Variants in CEP250 observed in about 807,000 individuals in gnomAD.
CEP250 encodes the protein centrosome-associated protein CEP250.
A neutral mutation model predicts 315.7 loss-of-function variants in CEP250; 242 were observed. The observed-to-expected ratio is 0.77, with a 90% CI of 0.69 to 0.85. CEP250 has a LOEUF of 0.85. CEP250 is among the 40% of genes least tolerant of loss of function. The probability of loss-of-function intolerance (pLI) is 0.00; values close to 1 mark genes in which losing one functional copy is unlikely to be tolerated. For synonymous variants in CEP250, 1,088 were observed against 1,175.0 expected (o/e 0.93, Z 1.51); for missense variants, 2,515 against 2,886.4 (o/e 0.87, Z 2.95).
Position 35,508,955 on chromosome 20 carries a change from C to A in CEP250, c.6919C>A (p.Arg2307=), listed in dbSNP as rs915467191. ...RSTLEQVERE[R]RKLKREAMRA... is the part of the protein sequence containing the mutation. Reference sequence around the variant, plus strand: ...TGCACCTTGGCAGGTGGAGCGAGAACGGAGGAAGCTGAAGAGGGAGGCCAT... The same window carrying A: ...TGCACCTTGGCAGGTGGAGCGAGAAAGGAGGAAGCTGAAGAGGGAGGCCAT... Residue 2307 remains arginine, a synonymous_variant, in exon 33 of 35, where the codon CGG becomes AGG. Transcript: ENST00000397527. 3 of 1,554,184 alleles carry A rather than the reference C, an allele frequency of 1.9e-6. No individual in the cohort carries two copies. The highest frequency in any genetic ancestry group is 2.6e-6 in the Non-Finnish European group (3 of 1,148,302).
At chr20:35,478,855 A>T (rs1373731532) in intron 17 of CEP250, among the ~76,000 whole-genome samples, 1 of 152,234 alleles carries the variant, frequency 6.6e-6, no homozygotes, top group Non-Finnish European at 1.5e-5. Context: ...CTCAAAGGTC[A>T]TCTTTCTCCT....
rs918372335 is a variant in CEP250 at position 35,519,087 on chromosome 20, C to G, written c.*7461C>G. 13 of 151,492 alleles carry G rather than the reference C, an allele frequency of 8.6e-5. No individual in the cohort carries two copies. Among genetic ancestry groups the G allele is most frequent in the African/African-American group, 3.2e-4 (13 of 41,242 alleles). The allele number at this position is 151,492 out of a possible 1,614,324, so 9.4% of individuals were successfully genotyped here. A position where few individuals can be genotyped will look rare whatever the true frequency, so the allele number is the denominator to read the frequency against. On this transcript the variant is annotated 3_prime_UTR_variant, in exon 35 of 35. Transcript: ENST00000397527. ...ACATAATCTGGATTGCAGGGCTGAT[C>G]GTTGCTAATGGAGTGTTATGGCTGT...
chr20:35,476,720 G>A, intron 16 of CEP250, 125 bp downstream of exon 16: 1 of 792,870 alleles, frequency 1.3e-6, no homozygotes, highest in Non-Finnish European at 2.0e-6. Context: ...GGAGAGCAAA[G>A]ACTGTAAGGA....
Position 35,490,719 on chromosome 20 carries a change from G to C in CEP250, c.2669G>C (p.Arg890Thr), listed in dbSNP as rs144024361. The C allele has an allele frequency of 5.3e-5, 85 of 1,614,036 alleles. 1 individual carries two copies. The African/African-American group carries it at 1.1e-3, about 20-fold the overall frequency. ...LEREKMELEM[R>T]LKEQQTEMEA... ...AGGGAAAAAATGGAGCTGGAAATGA[G>C]GCTAAAGGAGCAGCAGACAGAAATG... Residue 890 changes from arginine (R) to threonine (T), a missense_variant, in exon 21 of 35, where the codon AGG (arginine) becomes ACG (threonine). Physicochemically the swap from Arg to Thr is moderately conservative, Grantham distance 71. Transcript: ENST00000397527.
chr20:35,495,324 C>T (rs2063806418), intron 24 of CEP250, among the ~76,000 whole-genome samples: 1 of 152,132 alleles, frequency 6.6e-6, no homozygotes. Flanking sequence ...CATAGGAAAC[C>T]TCTGGAGAAT....
intron 23 of CEP250, among the ~76,000 whole-genome samples, chr20:35,493,913 CTT>C (rs755294563): frequency 4.5e-4 from 69 of 152,258 alleles, no homozygotes; most frequent in Non-Finnish European, 9.1e-4. Context: ...GATGTTCTGA[CTT>C]TTCATTTTTA....
At chr20:35,469,806 G>T in intron 9 of CEP250, 84 bp from the exon 10 acceptor site, 1 of 816,650 alleles carries the variant, frequency 1.2e-6, no homozygotes, top group South Asian at 2.0e-5. Context: ...GTTGGGGTTG[G>T]GGCTGGGGCT....
intron 9 of CEP250, 120 bp downstream of exon 9, chr20:35,467,675 GC>G: frequency 8.5e-7 from 1 of 1,183,066 alleles, no homozygotes; most frequent in Non-Finnish European, 1.2e-6. Context: ...GAGAAGATGT[GC>G]CCAAGGAAAT....
chr20:35,494,342 C>T (rs1013932866), intron 23 of CEP250, 182 bp from the exon 24 acceptor site: 6 of 710,746 alleles, frequency 8.4e-6, no homozygotes, highest in African/African-American at 5.4e-5. Context: ...ATGACCAGGC[C>T]GAATTGTATT....
intron 27 of CEP250, 37 bp downstream of exon 27, chr20:35,498,753 A>G (rs17424259): frequency 0.023 from 34,803 of 1,525,302 alleles, 439 homozygotes; most frequent in Non-Finnish European, 0.025. Flanking sequence ...AACTCTTTAC[A>G]TCCCTGGAAA....
intron 25 of CEP250, 70 bp from the exon 26 acceptor site, chr20:35,497,649 C>A: frequency 9.1e-7 from 1 of 1,103,730 alleles, no homozygotes; most frequent in Non-Finnish European, 1.3e-6. Flanking sequence ...TGAGTGGGGT[C>A]TGGCCTGGGA....
In CEP250 at chr20:35,503,975, G is replaced by A. The variant is rs375122917; in HGVS notation, c.5606G>A (p.Arg1869Gln). 69 of 1,610,836 alleles carry A rather than the reference G, an allele frequency of 4.3e-5. No homozygotes were observed. The highest frequency in any genetic ancestry group is 5.6e-5 in the Non-Finnish European group (66 of 1,178,074). Residue 1869 changes from arginine to glutamine, a missense_variant, in exon 30 of 35, where the codon CGA becomes CAA. Coordinates refer to ENST00000397527, the MANE Select transcript of CEP250 (RefSeq NM_007186.6). This position sits in a 1 kb window ranked among gnomAD's most constrained non-coding sequence, Gnocchi z 4.2. ...CTTCAGGACCACAAGGAACAGGCAC[G>A]AAGGCTGGAGGAAGAGCTGGCAGTG... ...GELQDHKEQA[R>Q]RLEEELAVEG...
rs1323668797 is a variant in CEP250, at chr20:35,504,172, C to G, written c.5803C>G (p.Leu1935Val). The G allele has an allele frequency of 2.5e-6, 4 of 1,613,764 alleles. No homozygotes were observed. The highest frequency in any genetic ancestry group is 3.4e-6 in the Non-Finnish European group (4 of 1,179,944). Residue 1935 changes from leucine (L) to valine (V), a missense_variant, in exon 30 of 35, where the codon CTC becomes GTC. Coordinates refer to ENST00000397527, the MANE Select transcript of CEP250 (RefSeq NM_007186.6). ...CAGCTGGCTGCAGGCCCAGGCAGTG[C>G]TCAAGGAACGGGACCAGGAGCTGGA... is the stretch of plus-strand genomic sequence containing the variant. ...QDSWLQAQAVLKERDQELEAL... is the reference protein window; with the variant it reads ...QDSWLQAQAVVKERDQELEAL...
intron 30 of CEP250, 22 bp from the exon 31 acceptor site, chr20:35,507,716 G>A (rs1022282827): frequency 6.5e-7 from 1 of 1,546,412 alleles, no homozygotes; most frequent in African/African-American, 1.4e-5. Context: ...GTGTGATTTT[G>A]CTCCATACCT....
chr20:35,479,264 C>T lies in CEP250; in HGVS notation c.2128C>T (p.Leu710=). The T allele has an allele frequency of 1.9e-6, 3 of 1,614,134 alleles. No homozygotes were observed. The highest frequency in any genetic ancestry group is 2.5e-6 in the Non-Finnish European group (3 of 1,179,984). Residue 710 remains leucine (L), a synonymous_variant, in exon 18 of 35, where the codon CTG becomes TTG. Coordinates refer to ENST00000397527, the MANE Select transcript of CEP250 (RefSeq NM_007186.6). ...RHQQEAATTQ[L]EQLHQEAKRQ... ...CCAGCAGGAGGCAGCCACGACTCAG[C>T]TGGAGCAGCTACATCAGGAGGCAAA...
rs145878385 is a variant in CEP250, at chr20:35,476,558, C to T, written c.1826C>T (p.Ala609Val). The part of the protein sequence containing the change: ...VKLSALNEAL[A>V]LDKVGLNQQL... ...CTCAGTGCCTTAAATGAGGCTTTGG[C>T]GTTAGATAAAGTTGGGCTGAACCAG... Residue 609 changes from alanine (A) to valine (V), a missense_variant, in exon 16 of 35, where the codon GCG (alanine) becomes GTG (valine). By Grantham distance (64) the Ala-to-Val change is moderately conservative. Coordinates refer to ENST00000397527, the MANE Select transcript of CEP250 (RefSeq NM_007186.6). 279 of 1,613,708 alleles carry T rather than the reference C, an allele frequency of 1.7e-4. 2 individuals are homozygous for T. The Middle Eastern group carries it at 4.5e-3, about 26-fold the overall frequency.
intron 20 of CEP250, chr20:35,481,236 G>T (rs544910275): frequency 6.6e-6 from 1 of 151,758 alleles, no homozygotes; most frequent in African/African-American, 2.4e-5. Flanking sequence ...TGGACAACAC[G>T]GCGAAACCCC....
rs1568777271 is a variant in CEP250 at position 35,475,503 on chromosome 20, C to G, written c.1573C>G (p.Gln525Glu). 1 of 1,613,966 alleles carries G rather than the reference C, an allele frequency of 6.2e-7. No homozygotes were observed. The highest frequency in any genetic ancestry group is 8.5e-7 in the Non-Finnish European group (1 of 1,179,912). Residue 525 changes from glutamine to glutamate, a missense_variant and splice_region_variant, in exon 15 of 35, where the codon CAG becomes GAG. Physicochemically the swap from Gln to Glu is conservative, Grantham distance 29 (BLOSUM62 2). Transcript: ENST00000397527. ...AGACCCCTCTCTTTCCCATCTTAGT[C>G]AGGAGATGCTGATGGGCCTGGAAGC... ...HLAVRERERLQEMLMGLEAKQ... is the reference protein window; with the variant it reads ...HLAVRERERLEEMLMGLEAKQ...
rs1482623513 is a variant in CEP250, at chr20:35,472,832, G to A, written c.1209+1G>A. ...GACTCGGAGACGCCAGGCTGTGCAG[G>A]TAGGAACCCTCAGCATTCCACCTCA... On this transcript the variant is annotated splice_donor_variant, in intron 12 of 34. Coordinates refer to ENST00000397527, the MANE Select transcript of CEP250 (RefSeq NM_007186.6). LOFTEE classifies it high-confidence loss of function. The A allele has an allele frequency of 3.1e-6, 5 of 1,613,998 alleles. No homozygotes were observed. Among genetic ancestry groups the A allele is most frequent in the Non-Finnish European group, 4.2e-6 (5 of 1,179,974 alleles).
Sources: allele counts gnomAD v4.1 joint callset (sites outside exome capture counted in the v4.1 genomes callset), GRCh38; gene constraint gnomAD v4.1.1; non-coding constraint Gnocchi (gnomAD v3.1); transcripts MANE v1.5; gene names NCBI Gene and HGNC (gene_info 2026-07-23, HGNC 2026-07-21).